The following CSMD1 variants were observed in gnomAD, a reference collection of about 807,000 sequenced individuals.
The protein encoded by CSMD1 is CUB and sushi domain-containing protein 1.
CSMD1 carries 213 observed loss-of-function variants against 417.5 expected under a neutral mutation model. The observed-to-expected ratio is 0.51, with a 90% CI of 0.46 to 0.57. The LOEUF is 0.57. Among genes scored for constraint, CSMD1 ranks in the 20% least tolerant of loss-of-function variants. CSMD1 has a pLI of 0.00. For synonymous variants in CSMD1, 2,862 were observed against 1,736.8 expected (o/e 1.65, Z -16.11); for missense variants, 6,923 against 4,529.7 (o/e 1.53, Z -15.17).
chr8:2,986,743 A>T (rs1365753482), intron 54 of CSMD1, among the ~76,000 whole-genome samples: 1 of 152,070 alleles, frequency 6.6e-6, no homozygotes, highest in African/African-American at 2.4e-5. Flanking sequence ...TGACCTCGTG[A>T]TTCGCCTGCC....
chr8:4,580,362 C>A (rs1190627101), intron 2 of CSMD1, among the ~76,000 whole-genome samples: 2 of 152,204 alleles, frequency 1.3e-5, no homozygotes, highest in Admixed American at 6.5e-5. Flanking sequence ...TTAACATTTT[C>A]ATCGCAGTGT....
intron 23 of CSMD1, among the ~76,000 whole-genome samples, chr8:3,312,588 A>G (rs1805433803): frequency 6.6e-6 from 1 of 152,188 alleles, no homozygotes; most frequent in African/African-American, 2.4e-5. Flanking sequence ...AGTTGCTGGG[A>G]GAATCATAGG....
intron 2 of CSMD1, among the ~76,000 whole-genome samples, chr8:4,522,023 T>C (rs1375524308): frequency 6.6e-6 from 1 of 152,170 alleles, no homozygotes; most frequent in Non-Finnish European, 1.5e-5. Context: ...GTGAAAAACC[T>C]CTGGAGTCAT....
intron 2 of CSMD1, among the ~76,000 whole-genome samples, chr8:4,523,921 C>G (rs1458367158): frequency 2.0e-5 from 3 of 152,108 alleles, no homozygotes; most frequent in African/African-American, 7.2e-5. Flanking sequence ...CTAATCAGCT[C>G]TGCTCCTCAA....
intron 5 of CSMD1, among the ~76,000 whole-genome samples, chr8:3,806,777 T>C (rs1800764931): frequency 6.6e-6 from 1 of 152,218 alleles, no homozygotes; most frequent in Non-Finnish European, 1.5e-5. Context: ...ATGTTAGTTG[T>C]TTTAGCTACT....
At chr8:4,448,749 A>G (rs1323973011) in intron 2 of CSMD1, among the ~76,000 whole-genome samples, 2 of 152,208 alleles carry the variant, frequency 1.3e-5, no homozygotes, top group Non-Finnish European at 2.9e-5. Context: ...TTTCTGAATG[A>G]CATAATGACA....
At chr8:4,876,074 G>A (rs551492033) in intron 1 of CSMD1, among the ~76,000 whole-genome samples, 1 of 152,056 alleles carries the variant, frequency 6.6e-6, no homozygotes, top group South Asian at 2.1e-4. Flanking sequence ...CTAGCAGATA[G>A]CCTAATGAGT....
chr8:4,290,334 C>G (rs368512537), intron 3 of CSMD1, among the ~76,000 whole-genome samples: 5 of 152,156 alleles, frequency 3.3e-5, no homozygotes, highest in African/African-American at 1.2e-4. Flanking sequence ...TGAATTTCTA[C>G]ACAGTAATGC....
At chr8:4,614,804 T>A (rs183701022) in intron 2 of CSMD1, among the ~76,000 whole-genome samples, 1 of 152,178 alleles carries the variant, frequency 6.6e-6, no homozygotes, top group Non-Finnish European at 1.5e-5. Flanking sequence ...AAAATGCATA[T>A]ATTCTTAAAA....
intron 2 of CSMD1, among the ~76,000 whole-genome samples, chr8:4,578,662 A>G (rs10090272): frequency 0.75 from 112,550 of 150,136 alleles, 42,312 homozygotes; most frequent in East Asian, 0.8. Context: ...CAAAAATACA[A>G]AAATTAGCTG....
intron 3 of CSMD1, among the ~76,000 whole-genome samples, chr8:4,095,632 TAGAAG>T (rs1436336691): frequency 2.0e-5 from 3 of 152,208 alleles, no homozygotes; most frequent in African/African-American, 7.2e-5. Context: ...GCGTGTGTTA[TAGAAG>T]AGAAAACATC....
intron 5 of CSMD1, among the ~76,000 whole-genome samples, chr8:3,798,960 C>A (rs963588102): frequency 2.0e-5 from 3 of 151,726 alleles, no homozygotes; most frequent in African/African-American, 7.3e-5. Flanking sequence ...TTTAGTAGAT[C>A]CATTTATATA....
chr8:3,026,695 A>G (rs939289060), intron 51 of CSMD1, among the ~76,000 whole-genome samples: 75 of 152,370 alleles, frequency 4.9e-4, no homozygotes, highest in African/African-American at 1.6e-3. Context: ...AAAATGTGCC[A>G]GGTATCTGAG....
At chr8:3,722,459 C>G (rs192972472) in intron 6 of CSMD1, among the ~76,000 whole-genome samples, 1 of 152,094 alleles carries the variant, frequency 6.6e-6, no homozygotes, top group African/African-American at 2.4e-5. Context: ...AGTGCTTGCC[C>G]CAACCTCAGA....
chr8:4,839,752 T>C (rs1800726103), intron 1 of CSMD1, among the ~76,000 whole-genome samples: 1 of 152,130 alleles, frequency 6.6e-6, no homozygotes, highest in African/African-American at 2.4e-5. Context: ...AGCCTCGAAT[T>C]TTAAAAACCT....
chr8:4,596,963 C>T (rs1383088806), intron 2 of CSMD1, among the ~76,000 whole-genome samples: 1 of 152,166 alleles, frequency 6.6e-6, no homozygotes, highest in African/African-American at 2.4e-5. Flanking sequence ...CTCTTGCCAC[C>T]TCCATGTTAG....
chr8:4,588,399 G>T (rs566993391), intron 2 of CSMD1, among the ~76,000 whole-genome samples: 149 of 83,286 alleles, frequency 1.8e-3, no homozygotes, highest in African/African-American at 6.2e-3. Context: ...ATCTCATAAA[G>T]ACAGAGATAA....
Position 3,138,828 on chromosome 8 carries a change from G to C in CSMD1, c.6241+3637C>G, listed in dbSNP as rs73657585. ...GCCAGAGAGACAGCAGATCCTTATAGATGTTGAACGATTTCCTGAAAATCT... is the reference window on the plus strand; with the variant it reads ...GCCAGAGAGACAGCAGATCCTTATACATGTTGAACGATTTCCTGAAAATCT... On this transcript the variant is annotated intron_variant, in intron 41 of 69. Coordinates refer to ENST00000635120, the MANE Select transcript of CSMD1 (RefSeq NM_033225.6). 6.0e-3 allele frequency among the ~76,000 whole-genome samples: 910 copies of C among 152,328 alleles called. 7 individuals carry two copies. Among genetic ancestry groups the C allele is most frequent in the African/African-American group, 0.02 (850 of 41,570 alleles).
intron 3 of CSMD1, among the ~76,000 whole-genome samples, chr8:4,076,320 C>A (rs1799819809): frequency 6.6e-6 from 1 of 152,190 alleles, no homozygotes; most frequent in Non-Finnish European, 1.5e-5. Context: ...TGAGGCCTCC[C>A]AGCCTTGCAG....
Sources: gnomAD v4.1 joint callset for allele counts (sites outside exome capture counted in the v4.1 genomes callset) on GRCh38, gnomAD v4.1.1 for gene constraint, MANE v1.5 for transcripts, NCBI Gene and HGNC (gene_info 2026-07-23, HGNC 2026-07-21) for gene names.